HDAC3: variants seen among roughly 807,000 people sequenced by gnomAD.
HDAC3 encodes the protein SMAP45.
HDAC3 carries 21 observed loss-of-function variants against 62.3 expected under a neutral mutation model. The ratio of observed to expected loss-of-function variants is 0.34; its 90% CI spans 0.24 to 0.49. The LOEUF (loss-of-function observed/expected upper bound fraction) is 0.49. Ranked by LOEUF, HDAC3 falls within the 20% of genes least tolerant of loss-of-function variation. The pLI, the probability that HDAC3 is intolerant of heterozygous loss-of-function variation, is 0.99. For synonymous variants in HDAC3, 198 were observed against 206.5 expected (o/e 0.96, Z 0.35); for missense variants, 270 against 556.9 (o/e 0.48, Z 5.19).
chr5:141,627,204 A>T (rs1352218739), intron 10 of HDAC3, among the ~76,000 whole-genome samples: 1 of 152,174 alleles, frequency 6.6e-6, no homozygotes, highest in Non-Finnish European at 1.5e-5. Context: ...CTTCCTGAGT[A>T]GCTAGGACTA....
intron 2 of HDAC3, chr5:141,636,226 C>A: frequency 2.8e-6 from 1 of 361,326 alleles, no homozygotes; most frequent in Non-Finnish European, 5.3e-6. Flanking sequence ...TTCCTGAGGC[C>A]AAGGCCCTAT....
intron 10 of HDAC3, among the ~76,000 whole-genome samples, chr5:141,627,561 C>T (rs2099904622): frequency 6.6e-6 from 1 of 152,106 alleles, no homozygotes; most frequent in Admixed American, 6.5e-5. Context: ...TTCTTTTTTT[C>T]TTTCACAGAA....
Position 141,621,118 on chromosome 5 carries a change from C to T in HDAC3, c.*350G>A. 1 of 269,072 alleles carries T rather than the reference C, an allele frequency of 3.7e-6. No homozygotes were observed. The allele number at this position is 269,072 out of a possible 1,614,324, so 16.7% of individuals were successfully genotyped here. On this transcript the variant is annotated 3_prime_UTR_variant, in exon 15 of 15. Transcript: ENST00000305264. ...GGGAGGAGGAAGTCAGAGGCAATCT[C>T]AGTCCTTGTCTACCCGTTCATCCCT... is the stretch of plus-strand genomic sequence containing the variant.
chr5:141,628,612 C>T lies in HDAC3; in HGVS notation c.638G>A (p.Ser213Asn). ...CACGTTCAGACAGTAGTAGCGGCCACTCTCTGCCCCGACTTCATACATGTC... is the reference window on the plus strand; with the variant it reads ...CACGTTCAGACAGTAGTAGCGGCCATTCTCTGCCCCGACTTCATACATGTC... ...TGDMYEVGAE[S>N]GRYYCLNVPL... Residue 213 changes from serine (S) to asparagine (N), a missense_variant, in exon 8 of 15, where the codon AGT (serine) becomes AAT (asparagine). Physicochemically the swap from Ser to Asn is conservative, Grantham distance 46 (BLOSUM62 1). Coordinates refer to ENST00000305264, the MANE Select transcript of HDAC3 (RefSeq NM_003883.4). This position sits in a 1 kb window ranked among gnomAD's most constrained non-coding sequence, Gnocchi z 4.7. The T allele has an allele frequency of 6.2e-7, 1 of 1,614,154 alleles. No homozygotes were observed. The highest frequency in any genetic ancestry group is 8.5e-7 in the Non-Finnish European group (1 of 1,180,036).
intron 3 of HDAC3, among the ~76,000 whole-genome samples, chr5:141,632,931 A>G (rs1237279468): frequency 6.6e-6 from 1 of 152,160 alleles, no homozygotes; most frequent in East Asian, 1.9e-4. Context: ...CTTTCAGGAA[A>G]ACAGATTAGT....
Position 141,629,420 on chromosome 5 carries a change from CTT to C in HDAC3, c.477-116_477-115del, listed in dbSNP as rs1164142777. 6.9e-7 allele frequency: 1 copy of C among 1,449,222 alleles called. No individual in the cohort carries two copies. The highest frequency in any genetic ancestry group is 9.5e-7 in the Non-Finnish European group (1 of 1,052,794). The allele number at this position is 1,449,222 out of a possible 1,614,324, so 89.8% of individuals were successfully genotyped here. ...CTGCTTCTGCCCTGGTCACCTGAAACTTAATGTCACCAGTTCCCTAAAGGCAA... is the reference window on the plus strand; with the variant it reads ...CTGCTTCTGCCCTGGTCACCTGAAACAATGTCACCAGTTCCCTAAAGGCAA... On this transcript the variant is annotated intron_variant, in intron 6 of 14. Coordinates refer to ENST00000305264, the MANE Select transcript of HDAC3 (RefSeq NM_003883.4). The surrounding 1 kb of genome is among the most constrained non-coding windows in gnomAD (Gnocchi z 5.3).
chr5:141,624,406 A>AAT (rs1294336617), intron 14 of HDAC3, among the ~76,000 whole-genome samples: 1 of 146,412 alleles, frequency 6.8e-6, no homozygotes, highest in Admixed American at 6.8e-5. Flanking sequence ...AAAAAAAAAA[A>AAT]ATTAGCCAGG....
At chr5:141,634,449 T>C (rs2099905687) in intron 3 of HDAC3, among the ~76,000 whole-genome samples, 1 of 152,126 alleles carries the variant, frequency 6.6e-6, no homozygotes, top group Non-Finnish European at 1.5e-5. Context: ...TTCTACTCTT[T>C]TTTCAGATCT....
chr5:141,622,662 A>T (rs1201206918), intron 14 of HDAC3, among the ~76,000 whole-genome samples: 2 of 152,234 alleles, frequency 1.3e-5, no homozygotes, highest in East Asian at 3.9e-4. Context: ...TGAGAAAGTC[A>T]TCAAAGAGAA....
intron 2 of HDAC3, chr5:141,635,930 T>C (rs1207522049): frequency 1.3e-5 from 2 of 152,586 alleles, no homozygotes; most frequent in African/African-American, 4.8e-5. Flanking sequence ...TACTATCCCA[T>C]ATCACAGCCA....
In HDAC3 at chr5:141,629,227, G is replaced by A. The variant is rs1179991492; in HGVS notation, c.556C>T (p.Arg186Trp). The change falls in exon 7 of 15, where the codon CGG (arginine) becomes TGG (tryptophan). Residue 186 changes from arginine (R) to tryptophan (W), a missense_variant. Around this residue, in one of 5 missense-constraint regions of HDAC3, gnomAD observed 156 missense variants for 383.9 expected, o/e 0.41. Coordinates refer to ENST00000305264, the MANE Select transcript of HDAC3 (RefSeq NM_003883.4). This position sits in a 1 kb window ranked among gnomAD's most constrained non-coding sequence, Gnocchi z 5.3. Reference protein sequence around the residue: ...GVQEAFYLTDRVMTVSFHKYG... With the variant: ...GVQEAFYLTDWVMTVSFHKYG... ...TTGTGGAAGGACACCGTCATGACCC[G>A]GTCAGTGAGGTAGAAAGCTTCTTGA... 5.0e-6 allele frequency: 8 copies of A among 1,614,118 alleles called. No individual in the cohort carries two copies. The highest frequency in any genetic ancestry group is 5.9e-6 in the Non-Finnish European group (7 of 1,179,998).
Position 141,629,980 on chromosome 5 carries a change from C to G in HDAC3, c.363+64G>C, listed in dbSNP as rs2099904956. On this transcript the variant is annotated intron_variant, in intron 4 of 14. Transcript: ENST00000305264. This position sits in a 1 kb window ranked among gnomAD's most constrained non-coding sequence, Gnocchi z 5.3. The stretch of plus-strand genomic sequence containing the variant: ...ACCCCTCAAGCTGGGAGCCCAGGAT[C>G]AGGGTTAAATCCCGAGTCCAGGGAT... 6.2e-7 allele frequency: 1 copy of G among 1,612,670 alleles called. No homozygotes were observed. Among genetic ancestry groups the G allele is most frequent in the Non-Finnish European group, 8.5e-7 (1 of 1,178,654 alleles).
rs549588613 is a variant in HDAC3, at chr5:141,626,962, T to C, written c.831-679A>G. ...ACCTTTCTCTATTCAGCAGTCAGAA[T>C]TGTCACTTTCAAACACAAATTGGAT... On this transcript the variant is annotated intron_variant, in intron 10 of 14. Coordinates refer to ENST00000305264, the MANE Select transcript of HDAC3 (RefSeq NM_003883.4). This position sits in a 1 kb window ranked among gnomAD's most constrained non-coding sequence, Gnocchi z 4.6. Among the ~76,000 whole-genome samples, 11 of 152,120 alleles carry C rather than the reference T, an allele frequency of 7.2e-5. No homozygotes were observed. The highest frequency in any genetic ancestry group is 1.9e-4 in the East Asian group (1 of 5,168).
chr5:141,635,393 C>T (rs2099905815), intron 2 of HDAC3, among the ~76,000 whole-genome samples: 1 of 152,218 alleles, frequency 6.6e-6, no homozygotes, highest in African/African-American at 2.4e-5. Flanking sequence ...GGATGTGTCA[C>T]ACCTCTTTGA....
Position 141,625,760 on chromosome 5 carries a change from G to A in HDAC3, c.984C>T (p.Tyr328=). The A allele has an allele frequency of 6.2e-7, 1 of 1,613,930 alleles. No homozygotes were observed. Among genetic ancestry groups the A allele is most frequent in the Non-Finnish European group, 8.5e-7 (1 of 1,179,820 alleles). ...AISEELPYSE[Y]FEYFAPDFTL... is the part of the protein sequence containing the mutation. ...TGAAGTCTGGGGCAAAGTACTCGAA[G>A]TATTCTTGGGGAGGAGAGGAGAAAG... is the stretch of plus-strand genomic sequence containing the variant. The change falls in exon 13 of 15, where the codon TAC becomes TAT. Residue 328 remains tyrosine, a synonymous_variant. Transcript: ENST00000305264. The surrounding 1 kb of genome is among the most constrained non-coding windows in gnomAD (Gnocchi z 4.0).
chr5:141,625,822 C>G lies in HDAC3; in HGVS notation c.980-58G>C. On this transcript the variant is annotated intron_variant, in intron 12 of 14. Coordinates refer to ENST00000305264, the MANE Select transcript of HDAC3 (RefSeq NM_003883.4). This position sits in a 1 kb window ranked among gnomAD's most constrained non-coding sequence, Gnocchi z 4.0. ...CTGAGAAAGGCAGCTAACAAGACTT[C>G]CCAATCTTTTTCCTTCCCATCCAGA... is the stretch of plus-strand genomic sequence containing the variant. 6.6e-7 allele frequency: 1 copy of G among 1,524,480 alleles called. No individual in the cohort carries two copies. Among genetic ancestry groups the G allele is most frequent in the Non-Finnish European group, 9.1e-7 (1 of 1,098,434 alleles). 94.4% of individuals were successfully genotyped at this position (1,524,480 alleles called of 1,614,324 possible). A position where few individuals can be genotyped will look rare whatever the true frequency, so the allele number is the denominator to read the frequency against.
At chr5:141,622,751 G>T (rs1303141769) in intron 14 of HDAC3, among the ~76,000 whole-genome samples, 1 of 152,228 alleles carries the variant, frequency 6.6e-6, no homozygotes, top group Non-Finnish European at 1.5e-5. Flanking sequence ...CAGGGTTAAA[G>T]GTGTGGAGTC....
In HDAC3 at chr5:141,629,150, GA is replaced by G. The variant is rs780949604; in HGVS notation, c.610+22del. On this transcript the variant is annotated intron_variant, in intron 7 of 14. Coordinates refer to ENST00000305264, the MANE Select transcript of HDAC3 (RefSeq NM_003883.4). This position sits in a 1 kb window ranked among gnomAD's most constrained non-coding sequence, Gnocchi z 5.3. Reference sequence around the variant, plus strand: ...GTAAAGAGCTGAAGGGTGCAAAGGGGAAAGTAATCCCTATTCCCATACCTGT... The same window carrying G: ...GTAAAGAGCTGAAGGGTGCAAAGGGGAAGTAATCCCTATTCCCATACCTGT... 1.2e-6 allele frequency: 2 copies of G among 1,613,556 alleles called. No homozygotes were observed. Among genetic ancestry groups the G allele is most frequent in the African/African-American group, 2.7e-5 (2 of 74,912 alleles).
At chr5:141,631,613 T>C (rs1240540133) in intron 3 of HDAC3, among the ~76,000 whole-genome samples, 1 of 152,170 alleles carries the variant, frequency 6.6e-6, no homozygotes, top group Non-Finnish European at 1.5e-5. Flanking sequence ...TGCCTAAAAT[T>C]GACAGACGAA....
Sources: gnomAD v4.1 joint callset for allele counts (sites outside exome capture counted in the v4.1 genomes callset) on GRCh38, gnomAD v4.1.1 for gene constraint, gnomAD v4.1.1 regional missense constraint, Gnocchi (gnomAD v3.1) non-coding constraint, MANE v1.5 for transcripts, NCBI Gene and HGNC (gene_info 2026-07-23, HGNC 2026-07-21) for gene names.